The following ANKS3 variants were observed in gnomAD, a reference collection of about 807,000 sequenced individuals.
ANKS3 encodes the protein ankyrin repeat and sterile alpha motif domain containing 3.
ANKS3 carries 62 observed loss-of-function variants against 80.7 expected under a neutral mutation model. That is an observed-to-expected ratio of 0.77 (90% CI 0.63 to 0.95). The LOEUF is 0.95. ANKS3 is among the 40% of genes least tolerant of loss of function. The pLI is 0.00. For synonymous variants in ANKS3, 489 were observed against 355.3 expected, an observed-to-expected ratio of 1.38 and a Z score of -4.23; for missense variants, 1,150 against 883.6, an observed-to-expected ratio of 1.30 and a Z score of -3.82.
chr16:4,716,632 T>C (rs1370104273), intron 6 of ANKS3, among the ~76,000 whole-genome samples: 1 of 151,848 alleles, frequency 6.6e-6, no homozygotes, highest in East Asian at 2.0e-4. Flanking sequence ...AAAAATAATT[T>C]ATAGGCCGGG....
chr16:4,727,764 C>T (rs1266082312), intron 3 of ANKS3: 1 of 153,094 alleles, frequency 6.5e-6, no homozygotes, highest in East Asian at 1.9e-4. Context: ...CTTAAAGAAA[C>T]ATTCTTGAAA....
rs1174232528 is a variant in ANKS3, at chr16:4,706,988, G to A, written c.710-1735C>T. 2.6e-5 allele frequency among the ~76,000 whole-genome samples: 4 copies of A among 152,168 alleles called. No homozygotes were observed. The South Asian group carries it at 8.3e-4, about 32-fold the overall frequency. ...TGTCCTTCCCCATGACGAGGCTCAA[G>A]CTCTGGCGACTGAGCTAGCCATATG... On this transcript the variant is annotated intron_variant, in intron 7 of 17. Coordinates refer to ENST00000304283, the MANE Select transcript of ANKS3 (RefSeq NM_133450.4).
Position 4,729,962 on chromosome 16 carries a change from T to C in ANKS3, c.170+18A>G. Reference sequence around the variant, plus strand: ...GCGCTGCTCAAAATGTGAGAGGAAGTTCCCCGAGATCTCTTACCGCTGCAC... The same window carrying C: ...GCGCTGCTCAAAATGTGAGAGGAAGCTCCCCGAGATCTCTTACCGCTGCAC... On this transcript the variant is annotated intron_variant, in intron 3 of 17. Coordinates refer to ENST00000304283, the MANE Select transcript of ANKS3 (RefSeq NM_133450.4). The C allele has an allele frequency of 6.9e-7, 1 of 1,454,032 alleles. No individual in the cohort carries two copies. Among genetic ancestry groups the C allele is most frequent in the Non-Finnish European group, 9.2e-7 (1 of 1,090,680 alleles). 90.1% of individuals were successfully genotyped at this position (1,454,032 alleles called of 1,614,324 possible).
At chr16:4,699,730 G>A (rs1483115564) in intron 11 of ANKS3, 1 of 155,198 alleles carries the variant, frequency 6.4e-6, no homozygotes, top group African/African-American at 2.4e-5. Context: ...ACAGATTTCT[G>A]TTAATTTTTT....
chr16:4,713,644 T>C (rs2080619417), intron 7 of ANKS3, among the ~76,000 whole-genome samples: 2 of 152,174 alleles, frequency 1.3e-5, no homozygotes, highest in Non-Finnish European at 1.5e-5. Context: ...CACAAAGATA[T>C]AGTTAATTTA....
At position 4,734,206 on chromosome 16, in the gene ANKS3, C is replaced by A. The variant is rs939055474; in HGVS notation, c.-339G>T. On this transcript the variant is annotated 5_prime_UTR_variant, in exon 1 of 18. Coordinates refer to ENST00000304283, the MANE Select transcript of ANKS3 (RefSeq NM_133450.4). Reference sequence around the variant, plus strand: ...CGCCCTCGGGCTGCCGTCGCCAACCCCCCCCAAACAGCTCGCCGCCACGCT... The same window carrying A: ...CGCCCTCGGGCTGCCGTCGCCAACCACCCCCAAACAGCTCGCCGCCACGCT... The A allele has an allele frequency of 1.1e-5, 2 of 180,882 alleles. No individual in the cohort carries two copies. The highest frequency in any genetic ancestry group is 1.9e-4 in the South Asian group (1 of 5,374). The allele number at this position is 180,882 out of a possible 1,614,324, so 11.2% of individuals were successfully genotyped here.
intron 6 of ANKS3, among the ~76,000 whole-genome samples, chr16:4,719,714 A>G (rs546802635): frequency 6.6e-6 from 1 of 151,966 alleles, no homozygotes; most frequent in East Asian, 1.9e-4. Flanking sequence ...CAGAAGGATT[A>G]CTTCAGCCCA....
intron 12 of ANKS3, 31 bp from the exon 13 acceptor site, chr16:4,698,972 C>G: frequency 1.2e-6 from 2 of 1,612,468 alleles, no homozygotes; most frequent in Non-Finnish European, 1.7e-6. Context: ...GGATATGCCT[C>G]AGCGTCCCAA....
rs550173236 is a variant in ANKS3, at chr16:4,701,511, C to T, written c.1042G>A (p.Val348Ile). 3.1e-5 allele frequency: 50 copies of T among 1,611,782 alleles called. No homozygotes were observed. The Middle Eastern group carries it at 5.0e-4, about 16-fold the overall frequency. The part of the protein sequence containing the change: ...EHAFCANLGP[V>I]QSSSSSEGLA... ...CCCTCGCTGCTGCTGCTGCTCTGGA[C>T]GGGCCCCAGGTTGGCACAGAAAGCA... Residue 348 changes from valine (V) to isoleucine (I), a missense_variant, in exon 10 of 18, where the codon GTC becomes ATC. Physicochemically the swap from Val to Ile is conservative, Grantham distance 29. Transcript: ENST00000304283.
At position 4,701,010 on chromosome 16, in the gene ANKS3, G is replaced by C; in HGVS notation, c.1244C>G (p.Ser415Cys). 1 of 1,614,044 alleles carries C rather than the reference G, an allele frequency of 6.2e-7. No individual in the cohort carries two copies. Among genetic ancestry groups the C allele is most frequent in the Non-Finnish European group, 8.5e-7 (1 of 1,179,996 alleles). ...ATDREGFLAE[S>C]SPQTQRAPYS... ...GGGGGCCCTCTGAGTCTGGGGGCTG[G>C]ACTCAGCGAGAAAGCCTTCCCTGTC... The change falls in exon 11 of 18, where the codon TCC becomes TGC. Residue 415 changes from serine to cysteine, a missense_variant. Ser to Cys is a moderately radical substitution (Grantham distance 112). Transcript: ENST00000304283.
At chr16:4,703,421 ATTTT>A (rs3051126) in intron 8 of ANKS3, among the ~76,000 whole-genome samples, 2 of 131,620 alleles carry the variant, frequency 1.5e-5, no homozygotes, top group African/African-American at 5.7e-5. Context: ...GGCCCCCCCA[ATTTT>A]TTTTTTTTTT....
intron 8 of ANKS3, among the ~76,000 whole-genome samples, chr16:4,703,686 C>T (rs769052132): frequency 6.6e-6 from 1 of 152,198 alleles, no homozygotes; most frequent in African/African-American, 2.4e-5. Context: ...GCTGGGATTA[C>T]AGGCGTGAGC....
intron 1 of ANKS3, 66 bp downstream of exon 1, chr16:4,733,872 A>C: frequency 1.0e-6 from 1 of 971,764 alleles, no homozygotes; most frequent in African/African-American, 1.8e-5. Context: ...CGCCCCGTGG[A>C]ACCGCATCGC....
intron 6 of ANKS3, among the ~76,000 whole-genome samples, chr16:4,719,531 G>A (rs1189571522): frequency 6.6e-6 from 1 of 151,756 alleles, no homozygotes. Context: ...GGCCGGGCAT[G>A]GTGGCTCAGG....
rs954825715 is a variant in ANKS3 at position 4,696,803 on chromosome 16, T to G, written c.*105A>C. 2.5e-5 allele frequency: 15 copies of G among 592,666 alleles called. No homozygotes were observed. The highest frequency in any genetic ancestry group is 1.5e-4 in the Admixed American group (5 of 33,640). 36.7% of individuals were successfully genotyped at this position (592,666 alleles called of 1,614,324 possible). The stretch of plus-strand genomic sequence containing the variant: ...CGGGGCCTGATCCTCTGGCCCCCAC[T>G]GGGCCTGGGCTGCACATGGCAGCTA... On this transcript the variant is annotated 3_prime_UTR_variant, in exon 18 of 18. Transcript: ENST00000304283.
chr16:4,729,961 G>A lies in ANKS3; in HGVS notation c.170+19C>T, dbSNP rs772019174. ...TGCGCTGCTCAAAATGTGAGAGGAA[G>A]TTCCCCGAGATCTCTTACCGCTGCA... On this transcript the variant is annotated intron_variant, in intron 3 of 17. Coordinates refer to ENST00000304283, the MANE Select transcript of ANKS3 (RefSeq NM_133450.4). 2.1e-6 allele frequency: 3 copies of A among 1,454,506 alleles called. No individual in the cohort carries two copies. The highest frequency in any genetic ancestry group is 2.8e-5 in the African/African-American group (2 of 70,184). 90.1% of individuals were successfully genotyped at this position (1,454,506 alleles called of 1,614,324 possible). A position where few individuals can be genotyped will look rare whatever the true frequency, so the allele number is the denominator to read the frequency against.
At chr16:4,727,551 A>C in intron 3 of ANKS3, 1 of 343,076 alleles carries the variant, frequency 2.9e-6, no homozygotes, top group South Asian at 2.5e-5. Context: ...GGCTGCCGCT[A>C]AACATCCCAC....
At chr16:4,699,565 C>T (rs947336897) in intron 11 of ANKS3, 21 of 234,686 alleles carry the variant, frequency 8.9e-5, no homozygotes, top group Admixed American at 2.9e-4. Context: ...CGCAGCTCTT[C>T]TCCGAGTTCA....
chr16:4,733,820 G>T, intron 1 of ANKS3, 118 bp downstream of exon 1: 1 of 607,066 alleles, frequency 1.6e-6, no homozygotes, highest in Non-Finnish European at 2.1e-6. Flanking sequence ...TAACTGTCAC[G>T]CCCACAGAGG....
Sources: gnomAD v4.1 joint callset for allele counts (sites outside exome capture counted in the v4.1 genomes callset) on GRCh38, gnomAD v4.1.1 for gene constraint, MANE v1.5 for transcripts, NCBI Gene and HGNC (gene_info 2026-07-23, HGNC 2026-07-21) for gene names.